Variants in NTN1 observed in about 807,000 individuals in gnomAD.
NTN1 encodes netrin-1.
NTN1 carries 11 observed loss-of-function variants against 54.2 expected under a neutral mutation model. The observed-to-expected ratio is 0.20, with a 90% CI of 0.13 to 0.34. The LOEUF (loss-of-function observed/expected upper bound fraction) is 0.34, where lower values mean the gene tolerates loss of function less well. NTN1 is among the 10% of genes least tolerant of loss of function. NTN1 has a pLI of 1.00. For synonymous variants in NTN1, 371 were observed against 382.0 expected (o/e 0.97, Z 0.33); for missense variants, 740 against 893.1 (o/e 0.83, Z 2.18).
At chr17:9,188,727 C>G (rs1365540532) in intron 5 of NTN1, among the ~76,000 whole-genome samples, 2 of 152,194 alleles carry the variant, frequency 1.3e-5, no homozygotes, top group Non-Finnish European at 2.9e-5. Flanking sequence ...GCCTGACCCT[C>G]TCTCCCCTTT....
chr17:9,051,064 G>A (rs1168120782), intron 2 of NTN1, among the ~76,000 whole-genome samples: 2 of 152,186 alleles, frequency 1.3e-5, no homozygotes, highest in Non-Finnish European at 2.9e-5. Context: ...TTTGACCCAG[G>A]TTGAGATGGG....
chr17:9,091,573 C>T (rs2092110776), intron 2 of NTN1, among the ~76,000 whole-genome samples: 1 of 151,808 alleles, frequency 6.6e-6, no homozygotes, highest in African/African-American at 2.4e-5. Context: ...CCTGCCTCTG[C>T]CTCCTGAGTA....
At chr17:9,020,433 C>G (rs1304678014), upstream of NTN1, among the ~76,000 whole-genome samples, 2 of 152,218 alleles carry the variant, frequency 1.3e-5, no homozygotes, top group Non-Finnish European at 2.9e-5. Flanking sequence ...CAAGGAGGGG[C>G]TGGGTGGCCC....
chr17:9,241,566 T>C lies in NTN1; in HGVS notation c.*1598T>C, dbSNP rs1906215600. 6.6e-6 allele frequency: 1 copy of C among 152,388 alleles called. No individual in the cohort carries two copies. The highest frequency in any genetic ancestry group is 2.1e-4 in the South Asian group (1 of 4,834). 9.4% of individuals were successfully genotyped at this position (152,388 alleles called of 1,614,324 possible). Reference sequence around the variant, plus strand: ...TCACAGTCAGGAAATTGGTTTCACTTTCCCGGCCAGAGTTTGGCTGCTCAA... The same window carrying C: ...TCACAGTCAGGAAATTGGTTTCACTCTCCCGGCCAGAGTTTGGCTGCTCAA... On this transcript the variant is annotated 3_prime_UTR_variant, in exon 7 of 7. Transcript: ENST00000173229.
At chr17:9,077,561 T>C (rs1451502036) in intron 2 of NTN1, among the ~76,000 whole-genome samples, 1 of 152,076 alleles carries the variant, frequency 6.6e-6, no homozygotes. Context: ...GAAGACCAAA[T>C]CAGCTAAGGC....
At chr17:9,072,981 G>A (rs1043971745) in intron 2 of NTN1, among the ~76,000 whole-genome samples, 2 of 152,204 alleles carry the variant, frequency 1.3e-5, no homozygotes, top group Non-Finnish European at 2.9e-5. Context: ...TCTGGTTAAT[G>A]TTGAAGATCA....
At chr17:9,085,358 G>A (rs1261352165) in intron 2 of NTN1, among the ~76,000 whole-genome samples, 1 of 152,174 alleles carries the variant, frequency 6.6e-6, no homozygotes, top group African/African-American at 2.4e-5. Flanking sequence ...AGGAAGGGGA[G>A]GGAGAGCAAT....
chr17:9,209,962 AAGCC>A (rs1241425706), intron 5 of NTN1, among the ~76,000 whole-genome samples: 1 of 151,684 alleles, frequency 6.6e-6, no homozygotes, highest in Non-Finnish European at 1.5e-5. Flanking sequence ...GTGAGAGCAA[AAGCC>A]AGCCTCTGCC....
intron 2 of NTN1, among the ~76,000 whole-genome samples, chr17:9,062,048 C>T (rs2092000611): frequency 6.6e-6 from 1 of 152,144 alleles, no homozygotes; most frequent in East Asian, 1.9e-4. Flanking sequence ...ATGGCGTAAA[C>T]GATGGCCACT....
chr17:9,209,925 G>A (rs914994586), intron 5 of NTN1, among the ~76,000 whole-genome samples: 2 of 152,042 alleles, frequency 1.3e-5, no homozygotes, highest in Non-Finnish European at 2.9e-5. Flanking sequence ...GTGGGGCCTG[G>A]GCAGTCAGGG....
the NTN1 span, among the ~76,000 whole-genome samples, chr17:9,006,511 G>A: frequency 2.6e-5 from 4 of 152,192 alleles, no homozygotes; most frequent in Non-Finnish European, 5.9e-5. Flanking sequence ...TCCGGAGCCA[G>A]GAGATGTGAG....
intron 2 of NTN1, among the ~76,000 whole-genome samples, chr17:9,045,153 T>G (rs1249087352): frequency 6.6e-6 from 1 of 152,208 alleles, no homozygotes; most frequent in Non-Finnish European, 1.5e-5. Flanking sequence ...GAGGCCAGAA[T>G]GATTCCTAGC....
At chr17:9,162,054 C>T (rs1028843310) in intron 2 of NTN1, among the ~76,000 whole-genome samples, 2 of 152,136 alleles carry the variant, frequency 1.3e-5, no homozygotes, top group Admixed American at 6.5e-5. Context: ...GAGCAATGCT[C>T]ATGGGGAGGG....
intron 2 of NTN1, among the ~76,000 whole-genome samples, chr17:9,032,506 C>T (rs575503864): frequency 4.6e-5 from 7 of 152,200 alleles, no homozygotes; most frequent in Non-Finnish European, 8.8e-5. Context: ...CACTCAGAAC[C>T]ACATCTGTGT....
At chr17:9,160,017 C>T (rs948242047) in intron 2 of NTN1, among the ~76,000 whole-genome samples, 1 of 152,160 alleles carries the variant, frequency 6.6e-6, no homozygotes, top group Non-Finnish European at 1.5e-5. Flanking sequence ...AGGTGCCCAA[C>T]CCTGGGAGGT....
intron 5 of NTN1, among the ~76,000 whole-genome samples, chr17:9,210,095 T>C (rs1405090190): frequency 7.2e-5 from 11 of 152,028 alleles, no homozygotes. Flanking sequence ...CCCCTCAAGC[T>C]CTGGGACTCA....
At chr17:9,090,494 T>A (rs1286076937) in intron 2 of NTN1, among the ~76,000 whole-genome samples, 2 of 152,100 alleles carry the variant, frequency 1.3e-5, no homozygotes, top group Admixed American at 6.6e-5. Context: ...TCTTTCTTAC[T>A]TACCAAAGCA....
chr17:9,172,341 G>A (rs186415921), intron 3 of NTN1, among the ~76,000 whole-genome samples: 223 of 152,212 alleles, frequency 1.5e-3, no homozygotes, highest in African/African-American at 4.8e-3. Context: ...TTAGCTGGGC[G>A]TGGTGGTGGG....
At chr17:9,051,546 G>A (rs1467436453) in intron 2 of NTN1, among the ~76,000 whole-genome samples, 1 of 152,122 alleles carries the variant, frequency 6.6e-6, no homozygotes, top group Non-Finnish European at 1.5e-5. Flanking sequence ...TTTTCCTCCA[G>A]CTTTATTGAG....
Sources: gnomAD v4.1 joint callset for allele counts (sites outside exome capture counted in the v4.1 genomes callset) on GRCh38, gnomAD v4.1.1 for gene constraint, MANE v1.5 for transcripts, NCBI Gene and HGNC (gene_info 2026-07-23, HGNC 2026-07-21) for gene names.